BMERB1: variants seen among roughly 807,000 people sequenced by gnomAD.
The protein encoded by BMERB1 is bMERB domain containing 1.
In BMERB1, 12 loss-of-function variants were observed where a neutral mutation model predicts 23.6. The observed-to-expected ratio is 0.51, with a 90% confidence interval of 0.33 to 0.82. BMERB1 has a LOEUF of 0.82. Ranked by LOEUF, BMERB1 falls within the 40% of genes least tolerant of loss-of-function variation. BMERB1 has a pLI of 0.03. For synonymous variants in BMERB1, 122 were observed against 96.6 expected (o/e 1.26, Z -1.54); for missense variants, 247 against 255.4 (o/e 0.97, Z 0.22).
intron 3 of BMERB1, among the ~76,000 whole-genome samples, chr16:15,570,974 A>G (rs929999655): frequency 1.3e-5 from 2 of 152,074 alleles, no homozygotes; most frequent in African/African-American, 4.8e-5. Flanking sequence ...GGTCACTTTC[A>G]TCGCCATCTT....
intron 1 of BMERB1, among the ~76,000 whole-genome samples, chr16:15,457,013 A>G (rs1240873673): frequency 6.6e-6 from 1 of 152,004 alleles, no homozygotes; most frequent in African/African-American, 2.4e-5. Flanking sequence ...TTTAGTAGAG[A>G]CAGGGTTTCA....
intron 4 of BMERB1, among the ~76,000 whole-genome samples, chr16:15,582,227 C>T (rs1372567342): frequency 6.6e-6 from 1 of 152,132 alleles, no homozygotes; most frequent in Admixed American, 6.5e-5. Flanking sequence ...GGTGAAACCC[C>T]GTCTCTACTA....
intron 1 of BMERB1, among the ~76,000 whole-genome samples, chr16:15,503,826 C>G (rs1401645259): frequency 6.6e-6 from 1 of 152,138 alleles, no homozygotes; most frequent in Non-Finnish European, 1.5e-5. Context: ...CTGTCTTAAG[C>G]CAATGACCCC....
chr16:15,470,859 G>A (rs1271877889), intron 1 of BMERB1, among the ~76,000 whole-genome samples: 4 of 118,260 alleles, frequency 3.4e-5, no homozygotes, highest in Non-Finnish European at 5.2e-5. Context: ...TTTTTGGAGA[G>A]GGAGTCTTGC....
At chr16:15,586,271 G>C (rs1423227282) in intron 5 of BMERB1, among the ~76,000 whole-genome samples, 1 of 152,160 alleles carries the variant, frequency 6.6e-6, no homozygotes, top group East Asian at 1.9e-4. Flanking sequence ...AGGCATTCTA[G>C]GAGATAAAAC....
At chr16:15,506,730 A>G (rs890092000) in intron 1 of BMERB1, among the ~76,000 whole-genome samples, 2 of 152,058 alleles carry the variant, frequency 1.3e-5, no homozygotes, top group African/African-American at 2.4e-5. Flanking sequence ...ATGTATCACA[A>G]TGTAACACAT....
chr16:15,486,226 T>G (rs1222326793), intron 1 of BMERB1, among the ~76,000 whole-genome samples: 1 of 148,594 alleles, frequency 6.7e-6, no homozygotes, highest in African/African-American at 2.5e-5. Context: ...AAAGCCAGGT[T>G]GTTTTGCTCT....
intron 1 of BMERB1, among the ~76,000 whole-genome samples, chr16:15,480,257 A>G (rs931868204): frequency 1.3e-5 from 2 of 149,004 alleles, no homozygotes; most frequent in Non-Finnish European, 3.0e-5. Context: ...GACTACAGGC[A>G]CCCGCCACTA....
At chr16:15,544,288 G>A (rs1258656936) in intron 2 of BMERB1, among the ~76,000 whole-genome samples, 2 of 152,170 alleles carry the variant, frequency 1.3e-5, no homozygotes, top group Non-Finnish European at 2.9e-5. Flanking sequence ...TTTGACAAGT[G>A]TTCATTCCAC....
intron 1 of BMERB1, among the ~76,000 whole-genome samples, chr16:15,461,854 A>C (rs1053114309): frequency 2.6e-5 from 4 of 152,058 alleles, no homozygotes; most frequent in African/African-American, 9.7e-5. Context: ...GGATCACCTG[A>C]GCCCAGGAGG....
At chr16:15,519,043 TCTCA>T (rs1436142922) in intron 2 of BMERB1, among the ~76,000 whole-genome samples, 1 of 149,148 alleles carries the variant, frequency 6.7e-6, no homozygotes, top group Non-Finnish European at 1.5e-5. Flanking sequence ...AATTATTCTT[TCTCA>T]CTCCATCCTT....
At chr16:15,508,830 A>T (rs1346411603) in intron 1 of BMERB1, among the ~76,000 whole-genome samples, 1 of 143,482 alleles carries the variant, frequency 7.0e-6, no homozygotes, top group Non-Finnish European at 1.5e-5. Context: ...TGCCCCACCA[A>T]AAAAAAAAAA....
chr16:15,552,439 CA>C (rs375736789), intron 2 of BMERB1, among the ~76,000 whole-genome samples: 1,912 of 142,386 alleles, frequency 0.013, 38 homozygotes, highest in African/African-American at 0.044. Flanking sequence ...GACTCCATCT[CA>C]AAAAAAAAAA....
intron 1 of BMERB1, among the ~76,000 whole-genome samples, chr16:15,464,174 G>A (rs569847022): frequency 3.2e-4 from 48 of 152,052 alleles, no homozygotes; most frequent in African/African-American, 1.1e-3. Flanking sequence ...TTAGCCAGGT[G>A]TGGTGGTGGG....
intron 5 of BMERB1, among the ~76,000 whole-genome samples, chr16:15,583,695 G>C (rs1361079114): frequency 6.6e-6 from 1 of 152,168 alleles, no homozygotes; most frequent in Non-Finnish European, 1.5e-5. Context: ...GATGACAGCA[G>C]GCAGGACCAG....
At chr16:15,519,237 C>G (rs985064816) in intron 2 of BMERB1, among the ~76,000 whole-genome samples, 2 of 152,026 alleles carry the variant, frequency 1.3e-5, no homozygotes, top group Non-Finnish European at 2.9e-5. Context: ...TCCCGGTGGC[C>G]GTAGTGTAAT....
intron 2 of BMERB1, among the ~76,000 whole-genome samples, chr16:15,529,770 C>T (rs2051949034): frequency 6.6e-6 from 1 of 152,204 alleles, no homozygotes; most frequent in African/African-American, 2.4e-5. Context: ...GTGGTGAGAA[C>T]TGCCTGGCTC....
chr16:15,469,903 A>G (rs2051214731), intron 1 of BMERB1, among the ~76,000 whole-genome samples: 1 of 152,216 alleles, frequency 6.6e-6, no homozygotes, highest in African/African-American at 2.4e-5. Flanking sequence ...TTGGAGATCT[A>G]CGTAGACACT....
At chr16:15,531,593 C>T (rs1340134050) in intron 2 of BMERB1, among the ~76,000 whole-genome samples, 2 of 152,174 alleles carry the variant, frequency 1.3e-5, no homozygotes, top group African/African-American at 4.8e-5. Context: ...GAAGATGACA[C>T]ACTACATGGG....
Sources: allele counts gnomAD v4.1 joint callset (sites outside exome capture counted in the v4.1 genomes callset), GRCh38; gene constraint gnomAD v4.1.1; transcripts MANE v1.5; gene names NCBI Gene and HGNC (gene_info 2026-07-23, HGNC 2026-07-21).